PTPRS: variants seen among roughly 807,000 people sequenced by gnomAD.
The protein encoded by PTPRS is protein tyrosine phosphatase receptor type S, also known as receptor-type tyrosine-protein phosphatase S.
A neutral mutation model predicts 215.3 loss-of-function variants in PTPRS; 63 were observed. The ratio of observed to expected loss-of-function variants is 0.29; its 90% CI spans 0.24 to 0.36. PTPRS has a LOEUF of 0.36. Ranked by LOEUF, PTPRS falls within the 10% of genes least tolerant of loss-of-function variation. PTPRS has a pLI of 1.00. For missense variants in PTPRS, 2,258 were observed against 2,825.8 expected (o/e 0.80, Z 4.56); for synonymous variants, 1,404 against 1,191.4 (o/e 1.18, Z -3.68).
At position 5,286,039 on chromosome 19, in the gene PTPRS, C is replaced by T. The variant is rs747293200; in HGVS notation, c.91+11G>A. The T allele has an allele frequency of 8.1e-6, 13 of 1,610,656 alleles. No homozygotes were observed. The highest frequency in any genetic ancestry group is 2.7e-5 in the African/African-American group (2 of 74,852). ...ACGCAGACCCCTGCACATCCCGTGC[C>T]GGCTTCTTACCTTCTGCTGCACAGC... On this transcript the variant is annotated intron_variant, in intron 2 of 37. Transcript: ENST00000262963.
At chr19:5,263,323 GTC>G (rs2046155801) in intron 5 of PTPRS, among the ~76,000 whole-genome samples, 1 of 152,156 alleles carries the variant, frequency 6.6e-6, no homozygotes, top group Admixed American at 6.5e-5. Context: ...TGAGGTCTGA[GTC>G]TCTCCAAGGA....
At chr19:5,335,133 A>T (rs2050452717) in intron 1 of PTPRS, among the ~76,000 whole-genome samples, 1 of 152,070 alleles carries the variant, frequency 6.6e-6, no homozygotes, top group Non-Finnish European at 1.5e-5. Flanking sequence ...CTCTCTCCCC[A>T]CAGCCTGCCT....
intron 1 of PTPRS, among the ~76,000 whole-genome samples, chr19:5,289,230 C>A (rs539469155): frequency 1.4e-4 from 22 of 152,092 alleles, no homozygotes; most frequent in Non-Finnish European, 2.9e-4. Flanking sequence ...AGGTCCTCTG[C>A]GAGGATTTGG....
chr19:5,266,223 C>T (rs1246786244), intron 4 of PTPRS, among the ~76,000 whole-genome samples: 5 of 151,908 alleles, frequency 3.3e-5, no homozygotes, highest in African/African-American at 1.2e-4. Context: ...CACGCCACTG[C>T]ACTCTAGCCT....
chr19:5,238,811 C>T lies in PTPRS; in HGVS notation c.1849+108G>A, dbSNP rs535289976. 2.8e-3 allele frequency: 3,846 copies of T among 1,386,580 alleles called. 6 individuals carry two copies. Among genetic ancestry groups the T allele is most frequent in the Non-Finnish European group, 3.3e-3 (3,473 of 1,065,544 alleles). 85.9% of individuals were successfully genotyped at this position (1,386,580 alleles called of 1,614,324 possible). A position where few individuals can be genotyped will look rare whatever the true frequency, so the allele number is the denominator to read the frequency against. ...CAAAGCGGAGACAGGCCGGGAGGCG[C>T]CCCCCACCCACTGCAGCAGGCCCCG... On this transcript the variant is annotated intron_variant, in intron 13 of 37. Transcript: ENST00000262963.
chr19:5,330,578 T>C (rs1400066935), intron 1 of PTPRS, among the ~76,000 whole-genome samples: 1 of 152,196 alleles, frequency 6.6e-6, no homozygotes, highest in African/African-American at 2.4e-5. Flanking sequence ...CCTGTGCACC[T>C]TGGGCTCCTG....
chr19:5,273,124 A>G (rs944594524), intron 4 of PTPRS: 2 of 345,578 alleles, frequency 5.8e-6, no homozygotes, highest in Admixed American at 4.3e-5. Flanking sequence ...ATGGAATTTT[A>G]ATTCTGCACA....
rs569538621 is a variant in PTPRS at position 5,251,453 on chromosome 19, GCTCT to G, written c.718+4651_718+4654del. Among the ~76,000 whole-genome samples the G allele has an allele frequency of 8.5e-3, 1,208 of 141,778 alleles. 7 individuals are homozygous for G. Among genetic ancestry groups the G allele is most frequent in the Non-Finnish European group, 0.013 (826 of 65,214 alleles). The allele number at this position is 141,778 out of a possible 152,430, so 93.0% of individuals were successfully genotyped here. A position where few individuals can be genotyped will look rare whatever the true frequency, so the allele number is the denominator to read the frequency against. ...ACTTTTTTTTTTTTTTTTGGTACCCGCTCTCTCTTTCTCTCATTTCTTTTTGTTT... is the reference window on the plus strand; with the variant it reads ...ACTTTTTTTTTTTTTTTTGGTACCCGCTCTTTCTCTCATTTCTTTTTGTTT... On this transcript the variant is annotated intron_variant, in intron 9 of 37. Transcript: ENST00000262963.
chr19:5,329,537 G>A (rs78394571), intron 1 of PTPRS, among the ~76,000 whole-genome samples: 4,015 of 152,044 alleles, frequency 0.026, 169 homozygotes, highest in East Asian at 0.16. Context: ...AGGCTGAGGC[G>A]GGCAGATCAC....
Position 5,219,967 on chromosome 19 carries a change from A to C in PTPRS, c.3737T>G (p.Val1246Gly). The C allele has an allele frequency of 6.2e-7, 1 of 1,613,944 alleles. No individual in the cohort carries two copies. The highest frequency in any genetic ancestry group is 8.5e-7 in the Non-Finnish European group (1 of 1,179,970). ...LEPGHRYVLF[V>G]LAVLQKSEPT... ...CTCGCTCTTCTGAAGCACGGCAAGCACGAAGAGGACATAGCGGTGGCCGGG... is the reference window on the plus strand; with the variant it reads ...CTCGCTCTTCTGAAGCACGGCAAGCCCGAAGAGGACATAGCGGTGGCCGGG... The change falls in exon 22 of 38, where the codon GTG becomes GGG. Residue 1246 changes from valine to glycine, a missense_variant. Coordinates refer to ENST00000262963, the MANE Select transcript of PTPRS (RefSeq NM_002850.4).
At chr19:5,273,330 C>G in intron 4 of PTPRS, 112 bp downstream of exon 4, 1 of 1,519,086 alleles carries the variant, frequency 6.6e-7, no homozygotes, top group African/African-American at 1.4e-5. Context: ...CAAGGTCCTC[C>G]CAAAAAACAC....
Position 5,222,781 on chromosome 19 carries a change from G to C in PTPRS, c.3011C>G (p.Thr1004Arg). 1 of 1,598,778 alleles carries C rather than the reference G, an allele frequency of 6.3e-7. No homozygotes were observed. The highest frequency in any genetic ancestry group is 8.5e-7 in the Non-Finnish European group (1 of 1,178,632). Residue 1004 changes from threonine to arginine, a missense_variant, in exon 18 of 38, where the codon ACG becomes AGG. By Grantham distance (71) the Thr-to-Arg change is moderately conservative. Around this residue, in one of 6 missense-constraint regions of PTPRS, gnomAD observed 361 missense variants for 332.6 expected, o/e 1.09. Transcript: ENST00000262963. ...GGCTCGCACTTGGAGGTCATAGGCC[G>C]TGTCGGGCTTCAGGCCCTGCAGCGT... ...ALTLQGLKPD[T>R]AYDLQVRAHT...
intron 9 of PTPRS, among the ~76,000 whole-genome samples, chr19:5,255,574 CAAAGAAAA>C (rs1410106625): frequency 2.3e-5 from 3 of 133,136 alleles, no homozygotes; most frequent in African/African-American, 5.6e-5. Flanking sequence ...GAAACAAAAC[CAAAGAAAA>C]AAAGAAAAAA....
chr19:5,313,765 T>G (rs1295909951), intron 1 of PTPRS, among the ~76,000 whole-genome samples: 2 of 152,024 alleles, frequency 1.3e-5, no homozygotes, highest in African/African-American at 4.8e-5. Flanking sequence ...CACCGTTCAA[T>G]CCATGCTTAA....
chr19:5,218,440 C>A lies in PTPRS; in HGVS notation c.4028G>T (p.Arg1343Leu), dbSNP rs201934952. Residue 1343 changes from arginine (R) to leucine (L), a missense_variant, in exon 25 of 38, where the codon CGC becomes CTC. Arg to Leu is a moderately radical substitution (Grantham distance 102, BLOSUM62 -2). Around this residue, in one of 6 missense-constraint regions of PTPRS, gnomAD observed 927 missense variants for 1,125.9 expected, o/e 0.82. Transcript: ENST00000262963. ...HHPKDPVEMR[R>L]INFQTPDSGL... ...CATACCTGGAGTCTGGAAGTTAATG[C>A]GTCTCATTTCCACAGGGTCCTTGGG... 1.2e-6 allele frequency: 2 copies of A among 1,613,670 alleles called. No homozygotes were observed.
chr19:5,288,649 C>A (rs2048560460), intron 1 of PTPRS, among the ~76,000 whole-genome samples: 1 of 152,194 alleles, frequency 6.6e-6, no homozygotes, highest in South Asian at 2.1e-4. Context: ...CTTTGAGCAG[C>A]TGGGCAGGCC....
rs186066883 is a variant in PTPRS at position 5,276,370 on chromosome 19, G to A, written c.92-2026C>T. ...CCTAAGTAGCTGGGATTACAGGCAC[G>A]CACCACCACGCCTGGCTAATTTTTG... On this transcript the variant is annotated intron_variant, in intron 2 of 37. Transcript: ENST00000262963. Among the ~76,000 whole-genome samples, 216 of 151,186 alleles carry A rather than the reference G, an allele frequency of 1.4e-3. 4 individuals are homozygous for A. The highest frequency in any genetic ancestry group is 4.9e-3 in the African/African-American group (201 of 41,188).
At position 5,258,427 on chromosome 19, in the gene PTPRS, A is replaced by G. The variant is rs1380340551; in HGVS notation, c.596-300T>C. The stretch of plus-strand genomic sequence containing the variant: ...ATGACTGCCAAGTTGAATTACAAAG[A>G]TGGAGAAAAGTGTGTTTGAGAAAGC... On this transcript the variant is annotated intron_variant, in intron 7 of 37. Coordinates refer to ENST00000262963, the MANE Select transcript of PTPRS (RefSeq NM_002850.4). Among the ~76,000 whole-genome samples the G allele has an allele frequency of 3.3e-5, 5 of 152,244 alleles. No homozygotes were observed. In the South Asian group the frequency reaches 6.2e-4, roughly 19 times the overall value.
rs1472494098 is a variant in PTPRS at position 5,246,050 on chromosome 19, G to T, written c.719-5C>A. On this transcript the variant is annotated splice_region_variant and splice_polypyrimidine_tract_variant and intron_variant, in intron 9 of 37. Coordinates refer to ENST00000262963, the MANE Select transcript of PTPRS (RefSeq NM_002850.4). ...AGCGCGGGGCCACGCGGCGGACTGG[G>T]GAGGGGGCGGCAGTGGCGGCGGGAG... The T allele has an allele frequency of 2.0e-6, 3 of 1,470,742 alleles. No individual in the cohort carries two copies. The highest frequency in any genetic ancestry group is 2.7e-6 in the Non-Finnish European group (3 of 1,104,564). The allele number at this position is 1,470,742 out of a possible 1,614,324, so 91.1% of individuals were successfully genotyped here.
Sources: gnomAD v4.1 joint callset for allele counts (sites outside exome capture counted in the v4.1 genomes callset) on GRCh38, gnomAD v4.1.1 for gene constraint, gnomAD v4.1.1 regional missense constraint, MANE v1.5 for transcripts, NCBI Gene and HGNC (gene_info 2026-07-23, HGNC 2026-07-21) for gene names.